Variants in ZCCHC14 observed in about 807,000 individuals in gnomAD.
ZCCHC14 encodes the protein zinc finger CCHC domain-containing protein 14.
ZCCHC14 carries 16 observed loss-of-function variants against 85.0 expected under a neutral mutation model. The observed-to-expected ratio is 0.19, with a 90% confidence interval of 0.13 to 0.29. The LOEUF (loss-of-function observed/expected upper bound fraction) is 0.29. ZCCHC14 is among the 10% of genes least tolerant of loss of function. ZCCHC14 has a pLI of 1.00. For missense variants in ZCCHC14, 1,303 were observed against 1,443.5 expected, an observed-to-expected ratio of 0.90 and a Z score of 1.58; for synonymous variants, 775 against 630.7, an observed-to-expected ratio of 1.23 and a Z score of -3.43.
intron 1 of ZCCHC14, chr16:87,470,513 G>A (rs1196655337): frequency 6.6e-6 from 1 of 152,078 alleles, no homozygotes; most frequent in African/African-American, 2.4e-5. Flanking sequence ...GAGGCAGGAT[G>A]TGATGAGCTT....
chr16:87,439,963 A>C (rs924320608), intron 2 of ZCCHC14, among the ~76,000 whole-genome samples: 1 of 152,164 alleles, frequency 6.6e-6, no homozygotes, highest in Non-Finnish European at 1.5e-5. Context: ...TGCTGCTAAC[A>C]AGCATTTTTA....
chr16:87,448,231 C>A (rs1910531239), intron 2 of ZCCHC14, among the ~76,000 whole-genome samples: 1 of 152,166 alleles, frequency 6.6e-6, no homozygotes, highest in Admixed American at 6.6e-5. Flanking sequence ...AAATAACTTT[C>A]ATTCAAAACT....
Position 87,491,753 on chromosome 16 carries a change from G to C in ZCCHC14, c.486C>G (p.Ser162Arg). The change falls in exon 1 of 13, where the codon AGC becomes AGG. Residue 162 changes from serine (S) to arginine (R), a missense_variant. Coordinates refer to ENST00000671377, the MANE Select transcript of ZCCHC14 (RefSeq NM_015144.3). The surrounding 1 kb of genome is among the most constrained non-coding windows in gnomAD (Gnocchi z 5.9). ...CGTGGCCCCCGCCGCCGTTCAGGCT[G>C]CTCTGGATCTGCGTGAGCTCCTGGC... is the stretch of plus-strand genomic sequence containing the variant. ...VLRQELTQIQ[S>R]SLNGGGGHGG... is the part of the protein sequence containing the mutation. 7 of 1,584,950 alleles carry C rather than the reference G, an allele frequency of 4.4e-6. No individual in the cohort carries two copies. Among genetic ancestry groups the C allele is most frequent in the Non-Finnish European group, 6.0e-6 (7 of 1,169,570 alleles).
chr16:87,439,806 T>C lies in ZCCHC14; in HGVS notation c.695-6605A>G, dbSNP rs149957564. ...TACAGGTAACCACATCAATTCTGTA[T>C]CTTATATATCTAATTCTACAATGAC... On this transcript the variant is annotated intron_variant, in intron 2 of 12. Transcript: ENST00000671377. Among the ~76,000 whole-genome samples the C allele has an allele frequency of 7.4e-3, 1,130 of 152,304 alleles. 11 individuals carry two copies. Among genetic ancestry groups the C allele is most frequent in the South Asian group, 0.023 (109 of 4,822 alleles).
chr16:87,467,861 C>T (rs2150766105), intron 1 of ZCCHC14, among the ~76,000 whole-genome samples: 1 of 152,242 alleles, frequency 6.6e-6, no homozygotes, highest in African/African-American at 2.4e-5. Context: ...CCGTGTTAGC[C>T]AGGATAGTTT....
In ZCCHC14 at chr16:87,491,482, T is replaced by C. The variant is rs1912765478; in HGVS notation, c.570+187A>G. Among the ~76,000 whole-genome samples the C allele has an allele frequency of 6.6e-6, 1 of 151,518 alleles. No individual in the cohort carries two copies. Among genetic ancestry groups the C allele is most frequent in the African/African-American group, 2.4e-5 (1 of 41,232 alleles). ...TGGGGCACACATTTGGGGTGCGACA[T>C]AGAGGCTTAGGATGGGGCTTGGGAT... On this transcript the variant is annotated intron_variant, in intron 1 of 12. Transcript: ENST00000671377. The surrounding 1 kb of genome is among the most constrained non-coding windows in gnomAD (Gnocchi z 5.9).
chr16:87,469,361 T>C (rs951347092), intron 1 of ZCCHC14, among the ~76,000 whole-genome samples: 1 of 152,214 alleles, frequency 6.6e-6, no homozygotes, highest in Non-Finnish European at 1.5e-5. Context: ...CTAAATGCCT[T>C]CCCCAAGGTC....
intron 7 of ZCCHC14, 154 bp from the exon 8 acceptor site, chr16:87,417,896 G>T: frequency 1.2e-6 from 1 of 866,514 alleles, no homozygotes; most frequent in Non-Finnish European, 1.7e-6. Flanking sequence ...ACACTGCTGT[G>T]CTATGACTGC....
chr16:87,466,403 T>A (rs974749700), intron 1 of ZCCHC14, among the ~76,000 whole-genome samples: 1 of 152,212 alleles, frequency 6.6e-6, no homozygotes, highest in Non-Finnish European at 1.5e-5. Flanking sequence ...ACCCCACTGG[T>A]GGGCATTTGA....
intron 1 of ZCCHC14, among the ~76,000 whole-genome samples, chr16:87,466,853 G>A (rs1911543498): frequency 6.6e-6 from 1 of 152,094 alleles, no homozygotes; most frequent in African/African-American, 2.4e-5. Context: ...TCCATGGCTA[G>A]GAGCCCCTAC....
At position 87,417,747 on chromosome 16, in the gene ZCCHC14, G is replaced by A. The variant is rs1443196554; in HGVS notation, c.1101-5C>T. ...CCAGCCACTCCACACACAGGCCTGT[G>A]GGACAGGGGCAGGAGGGACACAGAG... On this transcript the variant is annotated splice_polypyrimidine_tract_variant and splice_region_variant and intron_variant, in intron 7 of 12. Transcript: ENST00000671377. The A allele has an allele frequency of 1.5e-5, 23 of 1,581,286 alleles. No homozygotes were observed. The highest frequency in any genetic ancestry group is 1.9e-5 in the Non-Finnish European group (22 of 1,166,018).
intron 2 of ZCCHC14, among the ~76,000 whole-genome samples, chr16:87,445,863 T>G (rs978916888): frequency 6.6e-6 from 1 of 152,200 alleles, no homozygotes; most frequent in African/African-American, 2.4e-5. Flanking sequence ...GAAAACTAAT[T>G]TTTTAATTAA....
chr16:87,438,536 T>C (rs34772177), intron 2 of ZCCHC14, among the ~76,000 whole-genome samples: 28,996 of 152,234 alleles, frequency 0.19, 3,569 homozygotes, highest in South Asian at 0.62. Context: ...CGAATATTCA[T>C]TGAGTAACTA....
rs1212378359 is a variant in ZCCHC14, at chr16:87,406,902, A to G, written c.*3378T>C. 5 of 152,244 alleles carry G rather than the reference A, an allele frequency of 3.3e-5. No homozygotes were observed. The highest frequency in any genetic ancestry group is 5.9e-5 in the Non-Finnish European group (4 of 68,080). 9.4% of individuals were successfully genotyped at this position (152,244 alleles called of 1,614,324 possible). On this transcript the variant is annotated 3_prime_UTR_variant, in exon 13 of 13. Coordinates refer to ENST00000671377, the MANE Select transcript of ZCCHC14 (RefSeq NM_015144.3). ...TGGCAGCCACCCCCGCTCAGGTCGC[A>G]CAGGACTCTCCTCTGGGACAGCAGT... is the stretch of plus-strand genomic sequence containing the variant.
chr16:87,412,265 T>C lies in ZCCHC14; in HGVS notation c.2456A>G (p.Lys819Arg). ...ACTGCTCATTGCAGAAAAGGCAACT[T>C]TGGTGTTGGCTGTGTACAGAGCAGT... Reference protein sequence around the residue: ...PRTALYTANTKVAFSAMSSMP... With the variant: ...PRTALYTANTRVAFSAMSSMP... The change falls in exon 12 of 13, where the codon AAA becomes AGA. Residue 819 changes from lysine to arginine, a missense_variant. By Grantham distance (26) the Lys-to-Arg change is conservative. Coordinates refer to ENST00000671377, the MANE Select transcript of ZCCHC14 (RefSeq NM_015144.3). The C allele has an allele frequency of 6.2e-7, 1 of 1,612,240 alleles. No homozygotes were observed. The highest frequency in any genetic ancestry group is 8.5e-7 in the Non-Finnish European group (1 of 1,178,682).
rs1462356788 is a variant in ZCCHC14, at chr16:87,493,017, G to GC, written c.-780dup. ...CGCGGCTGACGGGCGGCCGGGATCA[G>GC]CAGAAGTGGGCGGGGTGGCCGCCTC... On this transcript the variant is annotated 5_prime_UTR_variant, in exon 1 of 13. Transcript: ENST00000671377. Among the ~76,000 whole-genome samples, 1 of 151,968 alleles carries GC rather than the reference G, an allele frequency of 6.6e-6. No individual in the cohort carries two copies. The highest frequency in any genetic ancestry group is 2.4e-5 in the African/African-American group (1 of 41,436).
chr16:87,491,774 C>T lies in ZCCHC14; in HGVS notation c.465G>A (p.Gln155=). ...GGCTGCTCTGGATCTGCGTGAGCTC[C>T]TGGCGCAGCACCTGCTTCTGGTGGA... ...FSFHQKQVLR[Q]ELTQIQSSLN... is the part of the protein sequence containing the mutation. The change falls in exon 1 of 13, where the codon CAG becomes CAA. Residue 155 remains glutamine, a synonymous_variant. Coordinates refer to ENST00000671377, the MANE Select transcript of ZCCHC14 (RefSeq NM_015144.3). The surrounding 1 kb of genome is among the most constrained non-coding windows in gnomAD (Gnocchi z 5.9). 1 of 1,589,262 alleles carries T rather than the reference C, an allele frequency of 6.3e-7. No homozygotes were observed. Among genetic ancestry groups the T allele is most frequent in the Non-Finnish European group, 8.5e-7 (1 of 1,171,232 alleles).
rs114109324 is a variant in ZCCHC14 at position 87,439,751 on chromosome 16, G to C, written c.695-6550C>G. On this transcript the variant is annotated intron_variant, in intron 2 of 12. Transcript: ENST00000671377. ...TACATTTTAAACAAACAAGATCTTA[G>C]AGGATGATTAAAATGTTACAAAGTC... Among the ~76,000 whole-genome samples the C allele has an allele frequency of 2.9e-3, 445 of 152,244 alleles. 2 individuals carry two copies. The highest frequency in any genetic ancestry group is 0.01 in the African/African-American group (428 of 41,542).
At chr16:87,463,432 G>C (rs900898063) in intron 1 of ZCCHC14, among the ~76,000 whole-genome samples, 1 of 152,200 alleles carries the variant, frequency 6.6e-6, no homozygotes, top group African/African-American at 2.4e-5. Flanking sequence ...TTGGCCTGAT[G>C]CATGAACCTC....
Sources: allele counts gnomAD v4.1 joint callset (sites outside exome capture counted in the v4.1 genomes callset), GRCh38; gene constraint gnomAD v4.1.1; non-coding constraint Gnocchi (gnomAD v3.1); transcripts MANE v1.5; gene names NCBI Gene and HGNC (gene_info 2026-07-23, HGNC 2026-07-21).